Variants in PRLR observed in about 807,000 individuals in gnomAD.
PRLR encodes the protein prolactin receptor, also known as hPRL receptor.
A neutral mutation model predicts 40.2 loss-of-function variants in PRLR; 13 were observed. That is an observed-to-expected ratio of 0.32 (90% confidence interval 0.21 to 0.51). PRLR has a LOEUF of 0.51. Ranked by LOEUF, PRLR falls within the 20% of genes least tolerant of loss-of-function variation. The probability of loss-of-function intolerance (pLI) is 0.97; values close to 1 mark genes in which losing one functional copy is unlikely to be tolerated. For synonymous variants in PRLR, 269 were observed against 278.7 expected (o/e 0.97, Z 0.35); for missense variants, 656 against 747.3 (o/e 0.88, Z 1.42).
At chr5:35,111,871 T>C (rs866475290) in intron 2 of PRLR, among the ~76,000 whole-genome samples, 6 of 152,314 alleles carry the variant, frequency 3.9e-5, no homozygotes, top group Middle Eastern at 3.4e-3. Context: ...AGGATGATTC[T>C]AAAATAAAAT....
At chr5:35,183,876 T>TC (rs1198719866) in intron 1 of PRLR, among the ~76,000 whole-genome samples, 3 of 152,226 alleles carry the variant, frequency 2.0e-5, no homozygotes, top group Non-Finnish European at 4.4e-5. Context: ...CCTAACATTT[T>TC]CTTTTGCCAA....
intron 2 of PRLR, among the ~76,000 whole-genome samples, chr5:35,093,481 C>A (rs1367280147): frequency 4.6e-5 from 7 of 152,208 alleles, no homozygotes; most frequent in Admixed American, 3.9e-4. Flanking sequence ...AGTACAGTCC[C>A]CAACCTGTCC....
chr5:35,226,383 T>C (rs1490121147), intron 1 of PRLR, among the ~76,000 whole-genome samples: 1 of 152,212 alleles, frequency 6.6e-6, no homozygotes, highest in Admixed American at 6.5e-5. Context: ...TTGATGACTC[T>C]TGGTTTCTTC....
At chr5:35,191,592 CT>C (rs1775609247) in intron 1 of PRLR, among the ~76,000 whole-genome samples, 1 of 152,226 alleles carries the variant, frequency 6.6e-6, no homozygotes, top group Non-Finnish European at 1.5e-5. Context: ...TAATGCAGAT[CT>C]AATCATACAT....
At chr5:35,102,631 T>C (rs986542064) in intron 2 of PRLR, among the ~76,000 whole-genome samples, 3 of 151,244 alleles carry the variant, frequency 2.0e-5, no homozygotes, top group Admixed American at 1.3e-4. Context: ...CAACCTCCAA[T>C]GCCCGGGTTC....
chr5:35,162,900 A>G (rs925355115), intron 1 of PRLR, among the ~76,000 whole-genome samples: 5 of 152,172 alleles, frequency 3.3e-5, no homozygotes, highest in Admixed American at 3.3e-4. Flanking sequence ...ATATATTCCA[A>G]TGGACTCCTT....
chr5:35,225,249 G>A (rs1241983409), intron 1 of PRLR, among the ~76,000 whole-genome samples: 1 of 152,150 alleles, frequency 6.6e-6, no homozygotes, highest in East Asian at 1.9e-4. Context: ...ATTGGTCTTG[G>A]TGATGAATAT....
At chr5:35,101,986 C>T (rs1771911272) in intron 2 of PRLR, among the ~76,000 whole-genome samples, 2 of 151,910 alleles carry the variant, frequency 1.3e-5, no homozygotes, top group South Asian at 4.2e-4. Context: ...TGCCACCATG[C>T]CCAGCTAATT....
Position 35,185,223 on chromosome 5 carries a change from T to C in PRLR, c.-106+45045A>G, listed in dbSNP as rs887589004. On this transcript the variant is annotated intron_variant, in intron 1 of 9. Transcript: ENST00000618457. The stretch of plus-strand genomic sequence containing the variant: ...ATATTCTTCCATCTAAATTCCAGAA[T>C]GTGTTAATTTCATAGTGGGTATATG... 4.6e-5 allele frequency among the ~76,000 whole-genome samples: 7 copies of C among 152,332 alleles called. No individual in the cohort carries two copies. In the East Asian group the frequency reaches 5.8e-4, roughly 13 times the overall value.
intron 5 of PRLR, among the ~76,000 whole-genome samples, chr5:35,078,425 C>A (rs1349996589): frequency 6.6e-6 from 1 of 152,072 alleles, no homozygotes; most frequent in Non-Finnish European, 1.5e-5. Flanking sequence ...ACTATAAACA[C>A]CTCTATGCAA....
At chr5:35,092,782 C>T (rs754506626) in intron 2 of PRLR, among the ~76,000 whole-genome samples, 95 of 152,302 alleles carry the variant, frequency 6.2e-4, no homozygotes, top group Non-Finnish European at 9.1e-4. Flanking sequence ...CTCAGCAGCT[C>T]CTTGGTTTTG....
At chr5:35,152,742 A>C (rs1337054694) in intron 1 of PRLR, 1 of 152,260 alleles carries the variant, frequency 6.6e-6, no homozygotes, top group Admixed American at 6.5e-5. Context: ...AAGTCAAAAT[A>C]AATATCCAAC....
chr5:35,126,829 G>T (rs1163009596), intron 1 of PRLR, among the ~76,000 whole-genome samples: 5 of 152,182 alleles, frequency 3.3e-5, no homozygotes, highest in Admixed American at 3.3e-4. Context: ...GTACGTGCCA[G>T]GAATTATGGG....
In PRLR at chr5:35,076,429, G is replaced by A. The variant is rs546795040; in HGVS notation, c.374-3685C>T. 8.5e-5 allele frequency among the ~76,000 whole-genome samples: 13 copies of A among 152,236 alleles called. No individual in the cohort carries two copies. In the South Asian group the frequency reaches 2.7e-3, roughly 32 times the overall value. On this transcript the variant is annotated intron_variant, in intron 5 of 9. Coordinates refer to ENST00000618457, the MANE Select transcript of PRLR (RefSeq NM_000949.7). ...GCATCAGTAGCCGATTTGTTCAAGT[G>A]GAAGAAAGGGTATCAGTGATTGAAG... is the stretch of plus-strand genomic sequence containing the variant.
chr5:35,229,527 C>G (rs1352645079), intron 1 of PRLR, among the ~76,000 whole-genome samples: 1 of 152,102 alleles, frequency 6.6e-6, no homozygotes, highest in Non-Finnish European at 1.5e-5. Context: ...CCTCCAGTTA[C>G]CTGAGTTTGC....
intron 1 of PRLR, among the ~76,000 whole-genome samples, chr5:35,163,757 C>T (rs1346239965): frequency 6.6e-6 from 1 of 152,194 alleles, no homozygotes; most frequent in Non-Finnish European, 1.5e-5. Flanking sequence ...TCTCAAGTGC[C>T]TACATTTTCT....
intron 1 of PRLR, among the ~76,000 whole-genome samples, chr5:35,168,601 C>T (rs1774911125): frequency 6.6e-6 from 1 of 151,118 alleles, no homozygotes; most frequent in Non-Finnish European, 1.5e-5. Context: ...TTTAATAAAC[C>T]CGTGGGTCTA....
At chr5:35,137,908 C>A (rs977591927) in intron 1 of PRLR, among the ~76,000 whole-genome samples, 1 of 152,252 alleles carries the variant, frequency 6.6e-6, no homozygotes, top group South Asian at 2.1e-4. Context: ...GCACTCCAGC[C>A]TGGATGACAG....
At chr5:35,164,066 T>C (rs896331185) in intron 1 of PRLR, among the ~76,000 whole-genome samples, 3 of 152,244 alleles carry the variant, frequency 2.0e-5, no homozygotes, top group Admixed American at 1.3e-4. Context: ...AATAAGTTTT[T>C]AGCTATTTTA....
Sources: gnomAD v4.1 joint callset for allele counts (sites outside exome capture counted in the v4.1 genomes callset) on GRCh38, gnomAD v4.1.1 for gene constraint, MANE v1.5 for transcripts, NCBI Gene and HGNC (gene_info 2026-07-23, HGNC 2026-07-21) for gene names.